MEGF11: variants seen among roughly 807,000 people sequenced by gnomAD.
MEGF11 encodes the protein multiple epidermal growth factor-like domains protein 11.
In MEGF11, 126 loss-of-function variants were observed where a neutral mutation model predicts 146.6. The observed-to-expected ratio is 0.86, with a 90% CI of 0.74 to 1.00. The LOEUF (loss-of-function observed/expected upper bound fraction) is 1.00. Ranked by LOEUF, MEGF11 falls within the 50% of genes least tolerant of loss-of-function variation. The pLI, the probability that MEGF11 is intolerant of heterozygous loss-of-function variation, is 0.00. For synonymous variants in MEGF11, 532 were observed against 583.4 expected, an observed-to-expected ratio of 0.91 and a Z score of 1.27; for missense variants, 1,509 against 1,521.2, an observed-to-expected ratio of 0.99 and a Z score of 0.13.
chr15:65,955,761 A>AATATATAT (rs1229131259), intron 10 of MEGF11, among the ~76,000 whole-genome samples: 2 of 14,712 alleles, frequency 1.4e-4, no homozygotes, highest in African/African-American at 5.6e-4. Flanking sequence ...AAAAAAAAAA[A>AATATATAT]ATATATATAT....
intron 1 of MEGF11, among the ~76,000 whole-genome samples, chr15:66,182,221 C>T (rs943352801): frequency 5.3e-5 from 8 of 152,294 alleles, no homozygotes; most frequent in South Asian, 2.1e-4. Flanking sequence ...CCTCCACGGG[C>T]CTGCTCCCCA....
At chr15:66,070,235 A>G (rs2085309155) in intron 5 of MEGF11, among the ~76,000 whole-genome samples, 1 of 152,214 alleles carries the variant, frequency 6.6e-6, no homozygotes, top group South Asian at 2.1e-4. Context: ...TTTTAGAAAC[A>G]GTCTGGGAGC....
chr15:66,028,620 T>G (rs993323787), intron 5 of MEGF11, among the ~76,000 whole-genome samples: 6 of 152,198 alleles, frequency 3.9e-5, no homozygotes, highest in Admixed American at 2.0e-4. Flanking sequence ...AACATTACAA[T>G]GGCCCCAAAT....
intron 1 of MEGF11, among the ~76,000 whole-genome samples, chr15:66,132,529 C>T (rs1364745309): frequency 1.3e-5 from 2 of 152,224 alleles, no homozygotes; most frequent in African/African-American, 4.8e-5. Context: ...CATATTTGCA[C>T]TGGCGGCAGG....
At chr15:66,113,281 T>G (rs2087533720) in intron 4 of MEGF11, among the ~76,000 whole-genome samples, 1 of 152,158 alleles carries the variant, frequency 6.6e-6, no homozygotes, top group Non-Finnish European at 1.5e-5. Flanking sequence ...GCCGGGCCCA[T>G]CAGCTGCATA....
intron 5 of MEGF11, among the ~76,000 whole-genome samples, chr15:65,991,123 T>C (rs978000820): frequency 2.6e-5 from 4 of 152,160 alleles, no homozygotes; most frequent in African/African-American, 9.7e-5. Flanking sequence ...AACCACACCG[T>C]CTATACCTCC....
intron 1 of MEGF11, among the ~76,000 whole-genome samples, chr15:66,139,033 G>A (rs2089023273): frequency 1.3e-5 from 2 of 152,212 alleles, no homozygotes; most frequent in African/African-American, 4.8e-5. Flanking sequence ...TTTGCAATTT[G>A]GCCCAGCCCA....
intron 25 of MEGF11, 74 bp downstream of exon 25, chr15:65,898,654 G>A (rs2078414385): frequency 2.5e-6 from 4 of 1,591,442 alleles, no homozygotes; most frequent in South Asian, 2.3e-5. Flanking sequence ...GGGGTGAGTG[G>A]AGAGGGCTTG....
intron 5 of MEGF11, among the ~76,000 whole-genome samples, chr15:66,034,795 A>G (rs1433005570): frequency 6.6e-6 from 1 of 151,958 alleles, no homozygotes; most frequent in Non-Finnish European, 1.5e-5. Flanking sequence ...GAATGGATTA[A>G]TGAGTGTTCT....
At chr15:66,234,057 T>A (rs1462897001) in intron 1 of MEGF11, among the ~76,000 whole-genome samples, 1 of 145,738 alleles carries the variant, frequency 6.9e-6, no homozygotes, top group Non-Finnish European at 1.5e-5. Context: ...TGCCTCAGCC[T>A]CCGGCTGATT....
In MEGF11 at chr15:65,918,139, C is replaced by G. The variant is rs780136196; in HGVS notation, c.1958-45G>C. 50 of 1,608,894 alleles carry G rather than the reference C, an allele frequency of 3.1e-5. No homozygotes were observed. The Admixed American group carries it at 6.0e-4, about 19-fold the overall frequency. On this transcript the variant is annotated intron_variant, in intron 15 of 25. Transcript: ENST00000395614. ...TGGCACCCATCCTCCCACCTGTGTTCCTCTGACCTCCACCCACAGCCTCAT... is the reference window on the plus strand; with the variant it reads ...TGGCACCCATCCTCCCACCTGTGTTGCTCTGACCTCCACCCACAGCCTCAT...
intron 24 of MEGF11, among the ~76,000 whole-genome samples, chr15:65,899,605 A>G (rs1400000599): frequency 6.6e-6 from 1 of 152,148 alleles, no homozygotes; most frequent in African/African-American, 2.4e-5. Context: ...TAAGTGGCAG[A>G]CTCTTAGCAG....
chr15:65,951,139 A>G (rs2080387271), intron 10 of MEGF11, among the ~76,000 whole-genome samples: 1 of 152,312 alleles, frequency 6.6e-6, no homozygotes, highest in African/African-American at 2.4e-5. Flanking sequence ...CACACAGTGG[A>G]AACAAAGGGA....
chr15:66,007,210 C>T lies in MEGF11; in HGVS notation c.395-24722G>A, dbSNP rs1395139841. Among the ~76,000 whole-genome samples the T allele has an allele frequency of 1.3e-5, 2 of 152,190 alleles. 1 individual carries two copies. Among genetic ancestry groups the T allele is most frequent in the South Asian group, 4.1e-4 (2 of 4,828 alleles). ...GGCTACTACCTTATGTTGACGGCAG[C>T]GTTTACATGCATCACTAGCAGCATG... is the stretch of plus-strand genomic sequence containing the variant. On this transcript the variant is annotated intron_variant, in intron 5 of 25. Coordinates refer to ENST00000395614, the MANE Select transcript of MEGF11 (RefSeq NM_001385028.1).
At chr15:66,012,971 G>C (rs1245929543) in intron 5 of MEGF11, among the ~76,000 whole-genome samples, 2 of 152,264 alleles carry the variant, frequency 1.3e-5, no homozygotes, top group African/African-American at 2.4e-5. Context: ...AGTGGGTGGA[G>C]ATTAACTTCC....
At chr15:66,234,034 C>T (rs1347587131) in intron 1 of MEGF11, among the ~76,000 whole-genome samples, 2 of 141,008 alleles carry the variant, frequency 1.4e-5, no homozygotes, top group African/African-American at 2.7e-5. Context: ...CTCCCGGGTT[C>T]AAGCGATTCT....
intron 1 of MEGF11, among the ~76,000 whole-genome samples, chr15:66,231,954 T>C (rs1260823719): frequency 6.6e-6 from 1 of 152,138 alleles, no homozygotes; most frequent in African/African-American, 2.4e-5. Flanking sequence ...CCAACAACCC[T>C]ACAAGTTAGG....
intron 1 of MEGF11, among the ~76,000 whole-genome samples, chr15:66,199,820 A>G (rs2091105738): frequency 6.6e-6 from 1 of 152,148 alleles, no homozygotes; most frequent in Non-Finnish European, 1.5e-5. Flanking sequence ...AAAAAAAGAT[A>G]TGCTAACAAT....
intron 5 of MEGF11, among the ~76,000 whole-genome samples, chr15:66,030,987 T>C (rs976303875): frequency 3.3e-5 from 5 of 152,204 alleles, no homozygotes; most frequent in African/African-American, 1.2e-4. Context: ...AGGTCCTGCC[T>C]GCACTTGCCC....
Sources: allele counts gnomAD v4.1 joint callset (sites outside exome capture counted in the v4.1 genomes callset), GRCh38; gene constraint gnomAD v4.1.1; transcripts MANE v1.5; gene names NCBI Gene and HGNC (gene_info 2026-07-23, HGNC 2026-07-21).